The following KDM3B variants were observed in gnomAD, a reference collection of about 807,000 sequenced individuals.
KDM3B encodes lysine-specific demethylase 3B.
KDM3B carries 10 observed loss-of-function variants against 170.0 expected under a neutral mutation model. That is an observed-to-expected ratio of 0.06 (90% CI 0.04 to 0.10). The LOEUF (loss-of-function observed/expected upper bound fraction) is 0.10. KDM3B is among the 10% of genes least tolerant of loss of function. The probability of loss-of-function intolerance (pLI) is 1.00; values close to 1 mark genes in which losing one functional copy is unlikely to be tolerated. For missense variants in KDM3B, 1,394 were observed against 2,195.2 expected (o/e 0.64, Z 7.29); for synonymous variants, 831 against 834.8 (o/e 1.00, Z 0.08).
chr5:138,371,140 C>T (rs145530382), intron 1 of KDM3B, among the ~76,000 whole-genome samples: 2 of 152,168 alleles, frequency 1.3e-5, no homozygotes, highest in Non-Finnish European at 2.9e-5. Context: ...GTCCACTCAT[C>T]TTCAGAAGTC....
At chr5:138,425,682 A>C in intron 17 of KDM3B, 100 bp downstream of exon 17, 4 of 1,056,334 alleles carry the variant, frequency 3.8e-6, no homozygotes, top group Non-Finnish European at 5.4e-6. Context: ...TCTGGGGCAT[A>C]ATGGGACTTG....
chr5:138,384,839 G>A (rs556262191), intron 6 of KDM3B, among the ~76,000 whole-genome samples: 39 of 149,232 alleles, frequency 2.6e-4, no homozygotes, highest in Non-Finnish European at 5.0e-4. Flanking sequence ...ACTTGAACCC[G>A]TTAGGTGGAG....
intron 23 of KDM3B, among the ~76,000 whole-genome samples, chr5:138,434,925 A>T (rs1417934950): frequency 6.6e-6 from 1 of 152,194 alleles, no homozygotes; most frequent in Non-Finnish European, 1.5e-5. Context: ...CATATACAGC[A>T]ACTACATGGT....
chr5:138,369,442 T>C (rs1423235411), intron 1 of KDM3B, among the ~76,000 whole-genome samples: 1 of 152,144 alleles, frequency 6.6e-6, no homozygotes, highest in Non-Finnish European at 1.5e-5. Context: ...CTCTGGGTCA[T>C]GTAAGAACAC....
chr5:138,417,122 A>G (rs538778183), intron 12 of KDM3B, among the ~76,000 whole-genome samples: 2 of 152,312 alleles, frequency 1.3e-5, no homozygotes, highest in East Asian at 1.9e-4. Flanking sequence ...CACCTGGCCA[A>G]TATTTATACT....
At chr5:138,363,356 T>G (rs1441456821) in intron 1 of KDM3B, among the ~76,000 whole-genome samples, 7 of 152,302 alleles carry the variant, frequency 4.6e-5, no homozygotes, top group African/African-American at 7.2e-5. Flanking sequence ...TTTTTATTGA[T>G]ACGGACTCAC....
intron 8 of KDM3B, among the ~76,000 whole-genome samples, chr5:138,392,735 A>G (rs565046814): frequency 2.6e-5 from 4 of 152,326 alleles, no homozygotes; most frequent in Non-Finnish European, 5.9e-5. Context: ...ATCAAAATCC[A>G]TTAACTTGTG....
intron 11 of KDM3B, among the ~76,000 whole-genome samples, chr5:138,408,609 A>T (rs1377181669): frequency 6.6e-6 from 1 of 152,190 alleles, no homozygotes; most frequent in Non-Finnish European, 1.5e-5. Flanking sequence ...AAATAAAGAC[A>T]TGAGAAGCAT....
In KDM3B at chr5:138,371,096, C is replaced by T. The variant is rs537013789; in HGVS notation, c.193-1578C>T. Among the ~76,000 whole-genome samples the T allele has an allele frequency of 3.3e-5, 5 of 152,250 alleles. No individual in the cohort carries two copies. The East Asian group carries it at 5.8e-4, about 18-fold the overall frequency. ...TTCTGGGATGGCAGGCATGAGCCCC[C>T]GTGCCTGGCCGCATATGTAGCTTTT... On this transcript the variant is annotated intron_variant, in intron 1 of 23. Coordinates refer to ENST00000314358, the MANE Select transcript of KDM3B (RefSeq NM_016604.4).
rs770763900 is a variant in KDM3B, at chr5:138,424,379, G to T, written c.4239+38G>T. On this transcript the variant is annotated intron_variant, in intron 16 of 23. Transcript: ENST00000314358. ...AAGTCGTTCCAAGGGCCAATTCTCT[G>T]CCTGCCTACCACAGATACCTGGACA... 1.9e-6 allele frequency: 3 copies of T among 1,593,226 alleles called. No homozygotes were observed. The South Asian group carries it at 3.4e-5, about 18-fold the overall frequency.
rs1227236595 is a variant in KDM3B, at chr5:138,398,168, C to T, written c.2832-10C>T. 1 of 1,598,402 alleles carries T rather than the reference C, an allele frequency of 6.3e-7. No homozygotes were observed. The highest frequency in any genetic ancestry group is 1.1e-5 in the South Asian group (1 of 89,610). ...TCCTGCGATTTACCATGTATTTGATCATGTCTCAGGTTGATCTTCACTCGA... is the reference window on the plus strand; with the variant it reads ...TCCTGCGATTTACCATGTATTTGATTATGTCTCAGGTTGATCTTCACTCGA... On this transcript the variant is annotated splice_polypyrimidine_tract_variant and intron_variant, in intron 9 of 23. Transcript: ENST00000314358.
chr5:138,431,070 G>A (rs1763519271), intron 22 of KDM3B, among the ~76,000 whole-genome samples: 1 of 151,986 alleles, frequency 6.6e-6, no homozygotes, highest in African/African-American at 2.4e-5. Flanking sequence ...CATTTTCTGT[G>A]CAAATACTGA....
At chr5:138,402,032 A>G (rs769247065) in intron 11 of KDM3B, among the ~76,000 whole-genome samples, 5 of 151,848 alleles carry the variant, frequency 3.3e-5, no homozygotes, top group Admixed American at 1.3e-4. Flanking sequence ...GGGCCCAAGC[A>G]GTTCTCCCAC....
intron 11 of KDM3B, among the ~76,000 whole-genome samples, chr5:138,412,154 G>A (rs1347386829): frequency 1.3e-5 from 2 of 151,304 alleles, no homozygotes; most frequent in East Asian, 4.0e-4. Context: ...TGGCCAACAT[G>A]TTGAAACCCT....
At chr5:138,394,781 A>G (rs904167851) in intron 9 of KDM3B, among the ~76,000 whole-genome samples, 1 of 152,238 alleles carries the variant, frequency 6.6e-6, no homozygotes, top group Non-Finnish European at 1.5e-5. Context: ...TTAAAAGGCC[A>G]CTTTGGCCAC....
At chr5:138,353,757 G>A (rs1222754110) in intron 1 of KDM3B, among the ~76,000 whole-genome samples, 1 of 152,132 alleles carries the variant, frequency 6.6e-6, no homozygotes, top group Non-Finnish European at 1.5e-5. Flanking sequence ...GTTTGGGCTT[G>A]GCCCTTTTTG....
intron 17 of KDM3B, among the ~76,000 whole-genome samples, chr5:138,426,085 A>G (rs76256601): frequency 0.011 from 1,608 of 152,304 alleles, 13 homozygotes; most frequent in Non-Finnish European, 0.016. Context: ...TGTAGCTTAC[A>G]TGGCAATCAC....
chr5:138,399,737 A>T, intron 10 of KDM3B, 123 bp from the exon 11 acceptor site: 1 of 778,798 alleles, frequency 1.3e-6, no homozygotes, highest in Non-Finnish European at 2.0e-6. Context: ...ATAGAAACAC[A>T]GACTTTATGA....
chr5:138,411,942 T>A (rs1301465011), intron 11 of KDM3B, among the ~76,000 whole-genome samples: 1 of 148,448 alleles, frequency 6.7e-6, no homozygotes, highest in East Asian at 2.1e-4. Context: ...ACTCCTGATC[T>A]CAGGTGACCC....
Sources: gnomAD v4.1 joint callset for allele counts (sites outside exome capture counted in the v4.1 genomes callset) on GRCh38, gnomAD v4.1.1 for gene constraint, MANE v1.5 for transcripts, NCBI Gene and HGNC (gene_info 2026-07-23, HGNC 2026-07-21) for gene names.